The following CYRIB variants were observed in gnomAD, a reference collection of about 807,000 sequenced individuals.
The protein encoded by CYRIB is CYFIP related Rac1 interactor B.
In CYRIB, 8 loss-of-function variants were observed where a neutral mutation model predicts 44.2. That is an observed-to-expected ratio of 0.18 (90% CI 0.11 to 0.33). The LOEUF (loss-of-function observed/expected upper bound fraction) is 0.33. Ranked by LOEUF, CYRIB falls within the 10% of genes least tolerant of loss-of-function variation. The pLI is 1.00. For missense variants in CYRIB, 185 were observed against 382.8 expected, an observed-to-expected ratio of 0.48 and a Z score of 4.31; for synonymous variants, 131 against 127.2, an observed-to-expected ratio of 1.03 and a Z score of -0.20.
chr8:129,948,488 G>C (rs1307136823), intron 2 of CYRIB: 1 of 152,222 alleles, frequency 6.6e-6, no homozygotes, highest in African/African-American at 2.4e-5. Flanking sequence ...GTGTGGTTCA[G>C]CAGCACGAAG....
At chr8:129,884,731 A>G (rs1003948099) in intron 2 of CYRIB, among the ~76,000 whole-genome samples, 1 of 152,258 alleles carries the variant, frequency 6.6e-6, no homozygotes, top group Non-Finnish European at 1.5e-5. Flanking sequence ...ATTATTTTCT[A>G]TCGTAATCCT....
chr8:129,849,170 TATC>T (rs1587001449), intron 10 of CYRIB, 70 bp downstream of exon 12: 7 of 1,434,140 alleles, frequency 4.9e-6, no homozygotes, highest in East Asian at 4.7e-5. Context: ...TGCTGGCTCT[TATC>T]ATAAAATAAA....
intron 1 of CYRIB, among the ~76,000 whole-genome samples, chr8:129,971,282 AG>A: frequency 6.6e-6 from 1 of 151,882 alleles, no homozygotes; most frequent in East Asian, 1.9e-4. Flanking sequence ...TAGTAGAGAC[AG>A]GGTTTCATCA....
intron 1 of CYRIB, among the ~76,000 whole-genome samples, chr8:130,001,872 TG>T (rs1389562425): frequency 6.6e-6 from 1 of 152,166 alleles, no homozygotes; most frequent in African/African-American, 2.4e-5. Flanking sequence ...CTGGAAGGAA[TG>T]GTGAGATTCT....
At chr8:129,927,335 G>A (rs988492044) in intron 1 of CYRIB, among the ~76,000 whole-genome samples, 4 of 152,120 alleles carry the variant, frequency 2.6e-5, no homozygotes, top group African/African-American at 9.7e-5. Context: ...CAGATGAAGT[G>A]AGAAGTAAAT....
chr8:130,007,100 G>C (rs2097119868), intron 1 of CYRIB, among the ~76,000 whole-genome samples: 1 of 152,152 alleles, frequency 6.6e-6, no homozygotes, highest in Non-Finnish European at 1.5e-5. Context: ...ATTAGCTCAA[G>C]TAATCTACTT....
intron 10 of CYRIB, among the ~76,000 whole-genome samples, chr8:129,848,692 C>T (rs547267770): frequency 5.9e-5 from 9 of 152,144 alleles, no homozygotes; most frequent in African/African-American, 2.2e-4. Context: ...TTCAGCCTCT[C>T]AACGTAGCTG....
exon 12 of CYRIB, chr8:129,841,054 G>A (rs954679196): frequency 6.6e-6 from 1 of 152,160 alleles, no homozygotes; most frequent in Non-Finnish European, 1.5e-5. Flanking sequence ...ACTGAAACCT[G>A]TTAGTTTTCT....
intron 3 of CYRIB, among the ~76,000 whole-genome samples, chr8:129,874,658 A>G (rs1486221723): frequency 6.6e-6 from 1 of 152,172 alleles, no homozygotes; most frequent in Non-Finnish European, 1.5e-5. Flanking sequence ...CAGAGACATA[A>G]ATAAGCCTCT....
intron 1 of CYRIB, among the ~76,000 whole-genome samples, chr8:129,907,462 G>A (rs2075994548): frequency 6.6e-6 from 1 of 152,034 alleles, no homozygotes. Context: ...GGGGGGAGGT[G>A]GGGATAGCAT....
At chr8:129,973,556 G>A (rs1181467671) in intron 1 of CYRIB, among the ~76,000 whole-genome samples, 9 of 152,178 alleles carry the variant, frequency 5.9e-5, no homozygotes, top group African/African-American at 7.2e-5. Context: ...TGCTGAAGTC[G>A]GCTCCAGAGG....
rs1588090937 is a variant in CYRIB, at chr8:129,871,225, G to A, written c.195+150C>T. The stretch of plus-strand genomic sequence containing the variant: ...TTTTTCCTTTTATGCTCATTTCACT[G>A]CAATCACTTCTGAAACAATGCCAAG... On this transcript the variant is annotated intron_variant, in intron 4 of 11. Coordinates refer to ENST00000519824, the Ensembl canonical transcript of CYRIB. 5 of 843,846 alleles carry A rather than the reference G, an allele frequency of 5.9e-6. No homozygotes were observed. In the East Asian group the frequency reaches 1.6e-4, roughly 28 times the overall value. 52.3% of individuals were successfully genotyped at this position (843,846 alleles called of 1,614,324 possible).
At chr8:129,914,746 A>C (rs542070994) in intron 1 of CYRIB, among the ~76,000 whole-genome samples, 1 of 152,386 alleles carries the variant, frequency 6.6e-6, no homozygotes, top group South Asian at 2.1e-4. Flanking sequence ...ATTTCTAAAA[A>C]TCATGAACAA....
intron 1 of CYRIB, among the ~76,000 whole-genome samples, chr8:129,903,734 G>T (rs2073654665): frequency 6.6e-6 from 1 of 152,130 alleles, no homozygotes; most frequent in African/African-American, 2.4e-5. Context: ...ATGAAAAGAG[G>T]CATATTTATA....
At position 129,980,453 on chromosome 8, in the gene CYRIB, T is replaced by C. The variant is rs1392875141; in HGVS notation, c.-295-9458A>G. ...TAACATTAATTATTACTGTGTATTT[T>C]AATACGCAGTCTTGTTTTTCAAGAA... On this transcript the variant is annotated intron_variant, in intron 1 of 14. Coordinates refer to the CYRIB transcript ENST00000401979. 3.3e-5 allele frequency among the ~76,000 whole-genome samples: 5 copies of C among 152,188 alleles called. No homozygotes were observed. In the East Asian group the frequency reaches 9.6e-4, roughly 29 times the overall value.
chr8:129,948,213 A>G (rs2094291326), intron 2 of CYRIB, among the ~76,000 whole-genome samples: 1 of 152,228 alleles, frequency 6.6e-6, no homozygotes, highest in Non-Finnish European at 1.5e-5. Context: ...AGGAAACAGA[A>G]ATGAAGAGTG....
rs373328853 is a variant in CYRIB at position 130,007,010 on chromosome 8, G to A, written c.-296+9360C>T. Among the ~76,000 whole-genome samples, 64 of 151,980 alleles carry A rather than the reference G, an allele frequency of 4.2e-4. 1 individual carries two copies. The highest frequency in any genetic ancestry group is 1.5e-3 in the African/African-American group (62 of 41,428). On this transcript the variant is annotated intron_variant, in intron 1 of 14. Transcript: ENST00000401979. ...CAGACAATGCAAAGTGCTACAAATC[G>A]CAACACCAAATGCATCAAGAGGTAG...
At chr8:130,015,179 G>A (rs867363706) in intron 1 of CYRIB, among the ~76,000 whole-genome samples, 8 of 152,190 alleles carry the variant, frequency 5.3e-5, no homozygotes, top group Admixed American at 3.9e-4. Context: ...GATGTTACAG[G>A]GCAAGGAAGC....
At chr8:129,877,029 T>A (rs1324060595) in intron 3 of CYRIB, among the ~76,000 whole-genome samples, 2 of 152,182 alleles carry the variant, frequency 1.3e-5, no homozygotes, top group African/African-American at 2.4e-5. Context: ...TAGTAGCTTA[T>A]AAGGTAAGCT....
Sources: allele counts gnomAD v4.1 joint callset (sites outside exome capture counted in the v4.1 genomes callset), GRCh38; gene constraint gnomAD v4.1.1; transcripts MANE v1.5; gene names NCBI Gene and HGNC (gene_info 2026-07-23, HGNC 2026-07-21).